The following RPS6KC1 variants were observed in gnomAD, a reference collection of about 807,000 sequenced individuals.
RPS6KC1 encodes the protein inactive ribosomal protein S6 kinase delta-1.
Under a neutral mutation model 103.8 loss-of-function variants are expected in RPS6KC1, and 54 were observed. The ratio of observed to expected loss-of-function variants is 0.52; its 90% CI spans 0.42 to 0.65. The LOEUF (loss-of-function observed/expected upper bound fraction) is 0.65. Ranked by LOEUF, RPS6KC1 falls within the 30% of genes least tolerant of loss-of-function variation. The pLI is 0.00. For synonymous variants in RPS6KC1, 439 were observed against 438.7 expected, an observed-to-expected ratio of 1.00 and a Z score of -0.01; for missense variants, 1,151 against 1,253.8, an observed-to-expected ratio of 0.92 and a Z score of 1.24.
chr1:213,561,653 C>T, the RPS6KC1 span, among the ~76,000 whole-genome samples: 2 of 152,116 alleles, frequency 1.3e-5, no homozygotes, highest in African/African-American at 4.8e-5. Context: ...GGGATCAGTG[C>T]CCTTTTCTTT....
At chr1:213,402,870 TG>T in the RPS6KC1 span, among the ~76,000 whole-genome samples, 4 of 140,186 alleles carry the variant, frequency 2.9e-5, no homozygotes, top group Non-Finnish European at 6.1e-5. Context: ...TTTTTTTGGG[TG>T]GGGGAGGCCG....
At chr1:213,451,585 C>CT in the RPS6KC1 span, among the ~76,000 whole-genome samples, 20 of 152,236 alleles carry the variant, frequency 1.3e-4, no homozygotes, top group African/African-American at 4.3e-4. Context: ...CCTGAGTCTG[C>CT]ACTGACTTTA....
intron 8 of RPS6KC1, among the ~76,000 whole-genome samples, chr1:213,179,385 A>G (rs1030562767): frequency 2.6e-5 from 4 of 151,946 alleles, no homozygotes; most frequent in Non-Finnish European, 5.9e-5. Flanking sequence ...ACTGCATTCC[A>G]GCCTGGGCAA....
the RPS6KC1 span, among the ~76,000 whole-genome samples, chr1:213,618,646 A>G: frequency 2.6e-5 from 4 of 152,170 alleles, no homozygotes; most frequent in Admixed American, 6.5e-5. Context: ...TCTGAATGAT[A>G]TTTCATTTGG....
At chr1:213,425,628 C>T in the RPS6KC1 span, among the ~76,000 whole-genome samples, 1 of 152,256 alleles carries the variant, frequency 6.6e-6, no homozygotes, top group Non-Finnish European at 1.5e-5. Flanking sequence ...AGGCGCACAC[C>T]CAGCTAATAA....
the RPS6KC1 span, among the ~76,000 whole-genome samples, chr1:213,523,246 A>G: frequency 6.6e-6 from 1 of 152,262 alleles, no homozygotes; most frequent in Non-Finnish European, 1.5e-5. Flanking sequence ...ACCGTCTTAC[A>G]TGGGCACAGT....
At chr1:213,621,167 A>G in the RPS6KC1 span, among the ~76,000 whole-genome samples, 202 of 152,312 alleles carry the variant, frequency 1.3e-3, no homozygotes, top group Middle Eastern at 3.4e-3. Context: ...AGGATTATTT[A>G]CTGTGTTTGC....
At chr1:213,648,243 GC>G in the RPS6KC1 span, among the ~76,000 whole-genome samples, 1 of 152,108 alleles carries the variant, frequency 6.6e-6, no homozygotes, top group African/African-American at 2.4e-5. Flanking sequence ...CTGCTGCATT[GC>G]CCTTGAGTGC....
At chr1:213,605,882 C>A in the RPS6KC1 span, among the ~76,000 whole-genome samples, 9 of 152,052 alleles carry the variant, frequency 5.9e-5, no homozygotes, top group African/African-American at 2.2e-4. Context: ...GGAGACAACG[C>A]CAGGTGCTGA....
At chr1:213,064,575 T>G (rs1319564755) in intron 1 of RPS6KC1, among the ~76,000 whole-genome samples, 3 of 148,822 alleles carry the variant, frequency 2.0e-5, no homozygotes, top group Admixed American at 6.7e-5. Flanking sequence ...ACCATGTTGG[T>G]CAGGCTGTTC....
chr1:213,264,751 C>A (rs1274489211), intron 14 of RPS6KC1, among the ~76,000 whole-genome samples: 1 of 152,090 alleles, frequency 6.6e-6, no homozygotes, highest in Non-Finnish European at 1.5e-5. Context: ...TCCACTACCT[C>A]ACAGGTCATA....
chr1:213,137,777 C>CTATATATATATA (rs1553340162), intron 6 of RPS6KC1, among the ~76,000 whole-genome samples: 1 of 63,594 alleles, frequency 1.6e-5, no homozygotes, highest in Non-Finnish European at 2.5e-5. Context: ...CTCTCTCTCT[C>CTATATATATATA]TATATATATA....
At chr1:213,580,602 T>G in the RPS6KC1 span, among the ~76,000 whole-genome samples, 5 of 151,980 alleles carry the variant, frequency 3.3e-5, no homozygotes, top group Non-Finnish European at 5.9e-5. Flanking sequence ...GAAGAGTCGA[T>G]TGATGTGGCA....
chr1:213,844,865 A>G, the RPS6KC1 span, among the ~76,000 whole-genome samples: 3 of 152,184 alleles, frequency 2.0e-5, no homozygotes, highest in Admixed American at 2.0e-4. Context: ...AGTAAAAAGT[A>G]TGAAGTCAGA....
the RPS6KC1 span, among the ~76,000 whole-genome samples, chr1:213,455,482 G>A: frequency 3.9e-5 from 6 of 152,214 alleles, no homozygotes; most frequent in African/African-American, 1.2e-4. Flanking sequence ...ACTGAGTTCT[G>A]TCTGGACAAA....
At chr1:213,459,767 C>G in the RPS6KC1 span, among the ~76,000 whole-genome samples, 1 of 152,154 alleles carries the variant, frequency 6.6e-6, no homozygotes, top group Non-Finnish European at 1.5e-5. Flanking sequence ...AGCTATGTCC[C>G]AGAGATTCTG....
chr1:213,103,644 A>T (rs144255494), intron 3 of RPS6KC1, among the ~76,000 whole-genome samples: 1 of 152,156 alleles, frequency 6.6e-6, no homozygotes, highest in African/African-American at 2.4e-5. Context: ...TTTGTGCCTC[A>T]GTTTTCTGTT....
the RPS6KC1 span, among the ~76,000 whole-genome samples, chr1:213,703,783 T>G: frequency 6.6e-6 from 1 of 152,178 alleles, no homozygotes; most frequent in African/African-American, 2.4e-5. Context: ...GGGAGTTTGA[T>G]TACTTAATAC....
the RPS6KC1 span, among the ~76,000 whole-genome samples, chr1:213,310,946 A>C: frequency 6.6e-6 from 1 of 151,864 alleles, no homozygotes; most frequent in African/African-American, 2.4e-5. Flanking sequence ...GAAGCCTCAC[A>C]CGGGGAACCA....
Sources: allele counts gnomAD v4.1 joint callset (sites outside exome capture counted in the v4.1 genomes callset), GRCh38; gene constraint gnomAD v4.1.1; transcripts MANE v1.5; gene names NCBI Gene and HGNC (gene_info 2026-07-23, HGNC 2026-07-21).